MEI4: variants seen among roughly 807,000 people sequenced by gnomAD.
The protein encoded by MEI4 is meiosis-specific protein MEI4.
MEI4 carries 27 observed loss-of-function variants against 31.4 expected under a neutral mutation model. That is an observed-to-expected ratio of 0.86 (90% CI 0.63 to 1.19). The LOEUF (loss-of-function observed/expected upper bound fraction) is 1.19. Among genes scored for constraint, MEI4 ranks in the 50% most tolerant of loss-of-function variants. MEI4 has a pLI of 0.00. For synonymous variants in MEI4, 122 were observed against 145.4 expected (o/e 0.84, Z 1.16); for missense variants, 329 against 398.9 (o/e 0.82, Z 1.49).
chr6:77,868,059 G>A (rs2127724147), intron 4 of MEI4, among the ~76,000 whole-genome samples: 1 of 149,144 alleles, frequency 6.7e-6, no homozygotes, highest in Non-Finnish European at 1.5e-5. Flanking sequence ...CACACTCTGG[G>A]GACTGTTGTG....
rs1768039327 is a variant in MEI4, at chr6:77,761,313, C to T, written c.416C>T (p.Pro139Leu). ...CCACCACTGCCTCTTGTGAAAAGAC[C>T]TTGTGCTATCCTGCAAAATCCTTTG... ...HFPPLPLVKRPCAILQNPLSS... is the reference protein window; with the variant it reads ...HFPPLPLVKRLCAILQNPLSS... The change falls in exon 3 of 5, where the codon CCT becomes CTT. Residue 139 changes from proline to leucine, a missense_variant. Physicochemically the swap from Pro to Leu is moderately conservative, Grantham distance 98. Transcript: ENST00000684080. 1 of 1,232,578 alleles carries T rather than the reference C, an allele frequency of 8.1e-7. No homozygotes were observed. The highest frequency in any genetic ancestry group is 1.5e-5 in the African/African-American group (1 of 64,522). The allele number at this position is 1,232,578 out of a possible 1,614,324, so 76.4% of individuals were successfully genotyped here.
At chr6:77,799,386 G>A (rs920737101) in intron 3 of MEI4, among the ~76,000 whole-genome samples, 3 of 152,092 alleles carry the variant, frequency 2.0e-5, no homozygotes, top group Non-Finnish European at 4.4e-5. Flanking sequence ...GTAGATTCTG[G>A]ATATTAGCCC....
At chr6:77,800,999 G>A (rs1769239578) in intron 3 of MEI4, among the ~76,000 whole-genome samples, 1 of 152,032 alleles carries the variant, frequency 6.6e-6, no homozygotes, top group South Asian at 2.1e-4. Context: ...GGATGATGCT[G>A]GCCTCATAAA....
intron 2 of MEI4, among the ~76,000 whole-genome samples, chr6:77,747,740 C>T (rs1039244372): frequency 6.6e-6 from 1 of 152,280 alleles, no homozygotes; most frequent in East Asian, 1.9e-4. Context: ...TTGCAACAGT[C>T]CCCCAAAGTC....
chr6:77,746,542 C>A (rs1010577062), intron 2 of MEI4, among the ~76,000 whole-genome samples: 1 of 152,006 alleles, frequency 6.6e-6, no homozygotes, highest in Non-Finnish European at 1.5e-5. Flanking sequence ...CTTACAGTAT[C>A]CTGGGTCTCC....
intron 1 of MEI4, among the ~76,000 whole-genome samples, 74 bp downstream of exon 1, chr6:77,653,166 A>G (rs1768329712): frequency 6.6e-6 from 1 of 152,212 alleles, no homozygotes; most frequent in Non-Finnish European, 1.5e-5. Context: ...AAAACTTTCA[A>G]AAACCAAGGC....
intron 3 of MEI4, among the ~76,000 whole-genome samples, chr6:77,778,750 A>C (rs968703037): frequency 2.0e-5 from 3 of 146,984 alleles, no homozygotes; most frequent in Admixed American, 1.4e-4. Flanking sequence ...AATAAATACC[A>C]AAATCCAGTA....
At chr6:77,912,270 G>A (rs1766450456) in intron 4 of MEI4, among the ~76,000 whole-genome samples, 1 of 152,020 alleles carries the variant, frequency 6.6e-6, no homozygotes, top group African/African-American at 2.4e-5. Context: ...GATCCCTCTA[G>A]CTTTGCTCTT....
intron 4 of MEI4, among the ~76,000 whole-genome samples, chr6:77,915,855 C>G (rs1766532892): frequency 6.6e-6 from 1 of 151,802 alleles, no homozygotes; most frequent in Non-Finnish European, 1.5e-5. Flanking sequence ...GCTTTTCTCT[C>G]CCTTTTGTTC....
chr6:77,870,165 G>C (rs936786764), intron 4 of MEI4, among the ~76,000 whole-genome samples: 3 of 152,198 alleles, frequency 2.0e-5, no homozygotes, highest in Non-Finnish European at 4.4e-5. Context: ...CCATGCAATA[G>C]AAAATGTACT....
At chr6:77,814,231 A>C (rs1242812219) in intron 3 of MEI4, among the ~76,000 whole-genome samples, 3 of 152,118 alleles carry the variant, frequency 2.0e-5, no homozygotes, top group African/African-American at 7.2e-5. Flanking sequence ...TAGTTTAGGA[A>C]GTGTGAACTG....
intron 4 of MEI4, among the ~76,000 whole-genome samples, chr6:77,884,040 GGAT>G (rs1238549472): frequency 1.3e-5 from 2 of 151,302 alleles, no homozygotes; most frequent in Non-Finnish European, 2.9e-5. Flanking sequence ...TTTGTCTTTT[GGAT>G]AATAGCCATT....
At chr6:77,892,395 C>T (rs1421586557) in intron 4 of MEI4, among the ~76,000 whole-genome samples, 2 of 152,144 alleles carry the variant, frequency 1.3e-5, no homozygotes, top group Admixed American at 1.3e-4. Context: ...CTATCCCCCA[C>T]TGGTACACAT....
intron 4 of MEI4, among the ~76,000 whole-genome samples, chr6:77,878,779 A>G (rs1771406034): frequency 1.3e-5 from 2 of 152,146 alleles, no homozygotes; most frequent in Admixed American, 6.5e-5. Context: ...TTGTGGGTCA[A>G]AACTGTCAAG....
At chr6:77,896,882 C>T (rs1180520298) in intron 4 of MEI4, among the ~76,000 whole-genome samples, 1 of 151,948 alleles carries the variant, frequency 6.6e-6, no homozygotes, top group Non-Finnish European at 1.5e-5. Context: ...AGTAATTTTT[C>T]TCTAGATACA....
rs149978699 is a variant in MEI4, at chr6:77,890,095, A to G, written c.901-32994A>G. ...AAATGTGGGGTTGCAGTCCCCATAT[A>G]CAGTCTCCACTGGGGCACTACCTAG... On this transcript the variant is annotated intron_variant, in intron 4 of 4. Coordinates refer to ENST00000684080, the MANE Select transcript of MEI4 (RefSeq NM_001322247.2). Among the ~76,000 whole-genome samples, 260 of 152,320 alleles carry G rather than the reference A, an allele frequency of 1.7e-3. 3 individuals carry two copies. The highest frequency in any genetic ancestry group is 1.3e-3 in the Non-Finnish European group (89 of 68,014).
At chr6:77,736,677 G>C (rs530803331) in intron 2 of MEI4, among the ~76,000 whole-genome samples, 7 of 152,000 alleles carry the variant, frequency 4.6e-5, no homozygotes, top group Non-Finnish European at 8.8e-5. Flanking sequence ...TTCAGTATTT[G>C]TGAGGTACAA....
At chr6:77,828,442 T>C (rs191769774) in intron 3 of MEI4, among the ~76,000 whole-genome samples, 44 of 152,126 alleles carry the variant, frequency 2.9e-4, no homozygotes, top group African/African-American at 1.0e-3. Flanking sequence ...GCACACTTCT[T>C]GTGATAATCT....
At chr6:77,708,165 C>A (rs1482783779) in intron 2 of MEI4, among the ~76,000 whole-genome samples, 1 of 152,190 alleles carries the variant, frequency 6.6e-6, no homozygotes, top group Admixed American at 6.5e-5. Flanking sequence ...TGCAGGCACT[C>A]AACTCTAACC....
Sources: gnomAD v4.1 joint callset for allele counts (sites outside exome capture counted in the v4.1 genomes callset) on GRCh38, gnomAD v4.1.1 for gene constraint, MANE v1.5 for transcripts, NCBI Gene and HGNC (gene_info 2026-07-23, HGNC 2026-07-21) for gene names.